EYS: variants seen among roughly 807,000 people sequenced by gnomAD.
EYS encodes EGF-like photoreceptor maintenance factor.
In EYS, 250 loss-of-function variants were observed where a neutral mutation model predicts 282.1. The observed-to-expected ratio is 0.89, with a 90% CI of 0.80 to 0.98. EYS has a LOEUF of 0.98. EYS is among the 50% of genes least tolerant of loss of function. The pLI, the probability that EYS is intolerant of heterozygous loss-of-function variation, is 0.00. For synonymous variants in EYS, 1,355 were observed against 1,282.9 expected (o/e 1.06, Z -1.20); for missense variants, 4,016 against 3,709.0 (o/e 1.08, Z -2.15).
rs192461983 is a variant in EYS, at chr6:65,661,501, C to T, written c.-447-21609G>A. Among the ~76,000 whole-genome samples, 5 of 152,038 alleles carry T rather than the reference C, an allele frequency of 3.3e-5. No homozygotes were observed. The East Asian group carries it at 9.7e-4, about 29-fold the overall frequency. ...ACTTACAAAGTATTTTCCTATTTAG[C>T]TCAATAATAAACACATAAGGTCACT... On this transcript the variant is annotated intron_variant, in intron 1 of 42. Transcript: ENST00000503581.
At chr6:64,144,488 G>A (rs1179763481) in intron 31 of EYS, among the ~76,000 whole-genome samples, 1 of 152,164 alleles carries the variant, frequency 6.6e-6, no homozygotes, top group Middle Eastern at 3.2e-3. Flanking sequence ...GTGAGGCCCA[G>A]AGTGTGCTTG....
intron 22 of EYS, among the ~76,000 whole-genome samples, chr6:64,671,483 A>C (rs544955563): frequency 2.0e-5 from 3 of 152,276 alleles, no homozygotes; most frequent in South Asian, 2.1e-4. Flanking sequence ...TCTGTTGTTT[A>C]TAAGCCGCCC....
intron 19 of EYS, among the ~76,000 whole-genome samples, chr6:64,833,038 A>G (rs948486972): frequency 3.9e-5 from 6 of 151,956 alleles, no homozygotes; most frequent in Non-Finnish European, 8.8e-5. Flanking sequence ...ACTCATAAGA[A>G]TGAGAATTGA....
At chr6:65,048,085 G>T (rs1305460632) in intron 13 of EYS, among the ~76,000 whole-genome samples, 1 of 151,922 alleles carries the variant, frequency 6.6e-6, no homozygotes, top group Non-Finnish European at 1.5e-5. Flanking sequence ...TGGACACTGA[G>T]TAGATCTGAA....
At chr6:63,772,607 T>C (rs1451849768) in intron 40 of EYS, among the ~76,000 whole-genome samples, 1 of 152,112 alleles carries the variant, frequency 6.6e-6, no homozygotes, top group Non-Finnish European at 1.5e-5. Flanking sequence ...AGTCAAAATA[T>C]TGTGTTTTAA....
intron 31 of EYS, among the ~76,000 whole-genome samples, chr6:64,152,115 G>A (rs1029753829): frequency 4.6e-5 from 7 of 151,796 alleles, no homozygotes; most frequent in Non-Finnish European, 7.4e-5. Flanking sequence ...TTGTTTACTC[G>A]AAATCCAAGA....
intron 35 of EYS, among the ~76,000 whole-genome samples, chr6:63,921,710 A>T (rs1671456783): frequency 6.6e-6 from 1 of 152,222 alleles, no homozygotes; most frequent in Non-Finnish European, 1.5e-5. Flanking sequence ...GTGTTAGAGC[A>T]TTTTTGAAAT....
intron 12 of EYS, among the ~76,000 whole-genome samples, chr6:65,188,233 G>A (rs1765558972): frequency 6.6e-6 from 1 of 151,378 alleles, no homozygotes; most frequent in South Asian, 2.1e-4. Context: ...CAATTCAACT[G>A]GAAGATAATT....
chr6:65,208,752 A>AACACATGG (rs11281427), intron 12 of EYS, among the ~76,000 whole-genome samples: 57,210 of 151,266 alleles, frequency 0.38, 11,697 homozygotes, highest in African/African-American at 0.54. Context: ...AAACAATGGG[A>AACACATGG]ACATAAAGAT....
chr6:65,332,379 T>C, intron 11 of EYS: 1 of 1,031,604 alleles, frequency 9.7e-7, no homozygotes, highest in Non-Finnish European at 1.5e-6. Flanking sequence ...TTCTATATGT[T>C]GCTGAATTTG....
At chr6:65,051,774 TA>T (rs1216145551) in intron 13 of EYS, among the ~76,000 whole-genome samples, 3 of 151,334 alleles carry the variant, frequency 2.0e-5, no homozygotes, top group Non-Finnish European at 4.4e-5. Flanking sequence ...GTGTGGAATC[TA>T]AAAAAAGATA....
chr6:65,163,100 C>T (rs1254287667), intron 12 of EYS, among the ~76,000 whole-genome samples: 2 of 151,188 alleles, frequency 1.3e-5, no homozygotes, highest in African/African-American at 4.8e-5. Flanking sequence ...GTTCTCATAG[C>T]CATGTCCCAA....
chr6:64,048,845 C>T (rs569950454), intron 33 of EYS, among the ~76,000 whole-genome samples: 108 of 152,144 alleles, frequency 7.1e-4, no homozygotes, highest in African/African-American at 2.6e-3. Flanking sequence ...TGTAGCTCCA[C>T]TAGGTTTTCC....
chr6:65,493,238 G>A (rs181295599), intron 4 of EYS, among the ~76,000 whole-genome samples: 23 of 152,236 alleles, frequency 1.5e-4, no homozygotes, highest in African/African-American at 4.6e-4. Context: ...TTATCACACA[G>A]CCTCTTTAAA....
intron 26 of EYS, among the ~76,000 whole-genome samples, chr6:64,499,833 G>A (rs1469634933): frequency 6.6e-6 from 1 of 152,054 alleles, no homozygotes; most frequent in South Asian, 2.1e-4. Context: ...ATGAGATAAT[G>A]TGCTATTTCT....
chr6:63,740,411 G>A (rs1346992910), intron 41 of EYS, among the ~76,000 whole-genome samples: 6 of 152,184 alleles, frequency 3.9e-5, no homozygotes, highest in Admixed American at 3.9e-4. Flanking sequence ...CTCCAGCCAT[G>A]TGGAACTGTA....
At chr6:64,387,107 T>A (rs1229716029) in intron 29 of EYS, among the ~76,000 whole-genome samples, 1 of 152,158 alleles carries the variant, frequency 6.6e-6, no homozygotes, top group Admixed American at 6.5e-5. Flanking sequence ...TCAAACCCCA[T>A]GTCTCCATAA....
At chr6:64,885,432 TCTTA>T (rs1195669446) in intron 19 of EYS, among the ~76,000 whole-genome samples, 1 of 151,698 alleles carries the variant, frequency 6.6e-6, no homozygotes, top group Non-Finnish European at 1.5e-5. Flanking sequence ...AAAATGTGTT[TCTTA>T]GTCATGTTGA....
At chr6:65,639,477 C>G (rs1004836758) in intron 2 of EYS, among the ~76,000 whole-genome samples, 1 of 151,960 alleles carries the variant, frequency 6.6e-6, no homozygotes, top group Non-Finnish European at 1.5e-5. Context: ...GCATCTCTTT[C>G]TCTTTCCAAG....
Sources: allele counts gnomAD v4.1 joint callset (sites outside exome capture counted in the v4.1 genomes callset), GRCh38; gene constraint gnomAD v4.1.1; transcripts MANE v1.5; gene names NCBI Gene and HGNC (gene_info 2026-07-23, HGNC 2026-07-21).